The following BCAS1 variants were observed in gnomAD, a reference collection of about 807,000 sequenced individuals.
The protein encoded by BCAS1 is brain enriched myelin associated protein 1, also known as breast carcinoma-amplified sequence 1.
BCAS1 carries 46 observed loss-of-function variants against 65.4 expected under a neutral mutation model. The observed-to-expected ratio is 0.70, with a 90% confidence interval of 0.55 to 0.90. BCAS1 has a LOEUF of 0.90. BCAS1 is among the 40% of genes least tolerant of loss of function. The pLI, the probability that BCAS1 is intolerant of heterozygous loss-of-function variation, is 0.00. For synonymous variants in BCAS1, 298 were observed against 293.5 expected (o/e 1.02, Z -0.16); for missense variants, 793 against 771.2 (o/e 1.03, Z -0.33).
chr20:53,968,526 T>G (rs564676886), intron 9 of BCAS1, among the ~76,000 whole-genome samples: 2 of 152,388 alleles, frequency 1.3e-5, no homozygotes, highest in South Asian at 4.1e-4. Flanking sequence ...AGTCTCTGTA[T>G]TGCCATTTGA....
At position 53,944,026 on chromosome 20, in the gene BCAS1, C is replaced by A. The variant is rs974794725; in HGVS notation, c.*896G>T. 8 of 151,730 alleles carry A rather than the reference C, an allele frequency of 5.3e-5. No homozygotes were observed. The highest frequency in any genetic ancestry group is 1.9e-4 in the African/African-American group (8 of 41,238). 9.4% of individuals were successfully genotyped at this position (151,730 alleles called of 1,614,324 possible). On this transcript the variant is annotated 3_prime_UTR_variant, in exon 13 of 13. Coordinates refer to ENST00000688948, the MANE Select transcript of BCAS1 (RefSeq NM_001366298.2). ...ACTGAGCCTCAAAAGCAATTGTTTT[C>A]CCAAATCATTTTAAGCCCTCCCCAG...
intron 3 of BCAS1, among the ~76,000 whole-genome samples, chr20:54,046,024 A>G (rs1656828417): frequency 6.6e-6 from 1 of 152,240 alleles, no homozygotes; most frequent in South Asian, 2.1e-4. Context: ...AAAGAAAAAG[A>G]CAGGTTTCAC....
chr20:54,015,400 T>C (rs1165419230), intron 4 of BCAS1, among the ~76,000 whole-genome samples: 1 of 152,164 alleles, frequency 6.6e-6, no homozygotes, highest in Non-Finnish European at 1.5e-5. Flanking sequence ...TAAATATATA[T>C]TAATGTAGGT....
intron 6 of BCAS1, among the ~76,000 whole-genome samples, chr20:53,994,571 A>G (rs2090851581): frequency 1.3e-5 from 2 of 152,224 alleles, no homozygotes; most frequent in Admixed American, 6.5e-5. Flanking sequence ...AAACAAAAAT[A>G]TAGCAGCTTT....
chr20:53,998,138 G>T (rs6022909), intron 4 of BCAS1, among the ~76,000 whole-genome samples: 10 of 152,024 alleles, frequency 6.6e-5, no homozygotes, highest in Non-Finnish European at 1.5e-5. Context: ...GGGATATGGT[G>T]GCACTGCATT....
intron 10 of BCAS1, among the ~76,000 whole-genome samples, chr20:53,957,883 G>GT (rs541840378): frequency 0.014 from 1,907 of 137,798 alleles, 12 homozygotes; most frequent in Middle Eastern, 0.045. Flanking sequence ...GTGTTTTATT[G>GT]TTTTTTTTTT....
At chr20:53,979,426 C>A (rs117842814) in intron 8 of BCAS1, among the ~76,000 whole-genome samples, 1,569 of 152,296 alleles carry the variant, frequency 0.01, 45 homozygotes, top group East Asian at 0.099. Flanking sequence ...TGGATGCCTA[C>A]AGTGGGTCTT....
intron 7 of BCAS1, among the ~76,000 whole-genome samples, chr20:53,989,164 A>G (rs2090689181): frequency 6.6e-6 from 1 of 151,844 alleles, no homozygotes; most frequent in African/African-American, 2.4e-5. Context: ...TTAGGGCAAA[A>G]AATAGTCTAA....
In BCAS1 at chr20:53,968,166, C is replaced by T. The variant is rs553554716; in HGVS notation, c.1318-1093G>A. On this transcript the variant is annotated intron_variant, in intron 9 of 12. Coordinates refer to ENST00000688948, the MANE Select transcript of BCAS1 (RefSeq NM_001366298.2). ...ACGCGACCACGCCTGATGGATTTTA[C>T]GCATTTAAAGCGTTGGAAGAAATAT... is the stretch of plus-strand genomic sequence containing the variant. Among the ~76,000 whole-genome samples the T allele has an allele frequency of 1.2e-4, 19 of 152,292 alleles. No homozygotes were observed. The South Asian group carries it at 2.1e-3, about 17-fold the overall frequency.
At chr20:54,051,556 G>A (rs1181148140) in intron 3 of BCAS1, among the ~76,000 whole-genome samples, 5 of 152,104 alleles carry the variant, frequency 3.3e-5, no homozygotes, top group Non-Finnish European at 7.4e-5. Flanking sequence ...ACTTTCTTTT[G>A]TGCAGACTCC....
At chr20:53,979,092 C>T (rs964087875) in intron 8 of BCAS1, among the ~76,000 whole-genome samples, 5 of 152,058 alleles carry the variant, frequency 3.3e-5, no homozygotes, top group Admixed American at 6.6e-5. Context: ...TGAAGACCCT[C>T]ATTTACATGG....
chr20:53,953,690 T>C lies in BCAS1; in HGVS notation c.1557A>G (p.Ser519=), dbSNP rs3746788. 2.6e-3 allele frequency: 4,128 copies of C among 1,612,290 alleles called. 86 individuals carry two copies. In the East Asian group the frequency reaches 0.044, roughly 17 times the overall value. ...GTGTGATAGTCTTTTCTGTGGAGTC[T>C]GATGTCTACAGCAATTTCAAACAAA... ...INGKDSSCQT[S]DSTEKTITPP... The change falls in exon 12 of 13, where the codon TCA becomes TCG. Residue 519 remains serine, a synonymous_variant. Transcript: ENST00000688948.
At chr20:53,966,846 T>C (rs1252276883) in intron 10 of BCAS1, 60 bp downstream of exon 10, 37 of 1,491,910 alleles carry the variant, frequency 2.5e-5, no homozygotes, top group Non-Finnish European at 3.1e-5. Flanking sequence ...CATGAGCCCA[T>C]TGTTCCCAGA....
At position 53,996,021 on chromosome 20, in the gene BCAS1, TC is replaced by T. The variant is rs751786930; in HGVS notation, c.752del (p.Gly251AspfsTer30). 7.7e-5 allele frequency: 124 copies of T among 1,604,728 alleles called. No individual in the cohort carries two copies. Among genetic ancestry groups the T allele is most frequent in the Non-Finnish European group, 1.0e-4 (121 of 1,175,518 alleles). On this transcript the variant is annotated frameshift_variant, in exon 5 of 13. Coordinates refer to ENST00000688948, the MANE Select transcript of BCAS1 (RefSeq NM_001366298.2). LOFTEE classifies it high-confidence loss of function. ...KDIVDGKEKE[G>X]QELGTADCSV... ...AGCAATCCGCAGTTCCAAGTTCTTG[TC>T]CTTCTTTTTCCTTGCCGTCAACTAT...
chr20:53,996,461 T>TAAAAAAAAAAAAAAAAAAAAAA (rs143929524), intron 4 of BCAS1, among the ~76,000 whole-genome samples: 1 of 92,202 alleles, frequency 1.1e-5, no homozygotes, highest in Non-Finnish European at 2.4e-5. Context: ...TTATATCAAC[T>TAAAAAAAAAAAAAAAAAAAAAA]AAAAAAAAAA....
At chr20:54,027,786 A>T (rs2091705963) in intron 4 of BCAS1, among the ~76,000 whole-genome samples, 1 of 146,584 alleles carries the variant, frequency 6.8e-6, no homozygotes, top group Non-Finnish European at 1.5e-5. Flanking sequence ...ACCAACACAA[A>T]AAAACCCCCC....
At chr20:53,973,944 C>T (rs2090253466) in intron 9 of BCAS1, among the ~76,000 whole-genome samples, 1 of 152,184 alleles carries the variant, frequency 6.6e-6, no homozygotes, top group South Asian at 2.1e-4. Context: ...ATGTACCAAT[C>T]AGCACTCTGT....
intron 4 of BCAS1, among the ~76,000 whole-genome samples, chr20:54,007,706 C>T (rs1049174276): frequency 2.0e-5 from 3 of 151,954 alleles, no homozygotes; most frequent in Non-Finnish European, 2.9e-5. Flanking sequence ...GAACTTAAGC[C>T]CTTACTTTGA....
At chr20:53,971,137 T>C (rs1207156916) in intron 9 of BCAS1, among the ~76,000 whole-genome samples, 1 of 152,246 alleles carries the variant, frequency 6.6e-6, no homozygotes, top group Non-Finnish European at 1.5e-5. Flanking sequence ...TTATTTACCC[T>C]ACCTTCCTGT....
Sources: allele counts gnomAD v4.1 joint callset (sites outside exome capture counted in the v4.1 genomes callset), GRCh38; gene constraint gnomAD v4.1.1; transcripts MANE v1.5; gene names NCBI Gene and HGNC (gene_info 2026-07-23, HGNC 2026-07-21).